XRCC4: variants seen among roughly 807,000 people sequenced by gnomAD.
The protein encoded by XRCC4 is DNA repair protein XRCC4.
A neutral mutation model predicts 39.1 loss-of-function variants in XRCC4; 28 were observed. That is an observed-to-expected ratio of 0.72 (90% confidence interval 0.53 to 0.98). The LOEUF (loss-of-function observed/expected upper bound fraction) is 0.98, where lower values mean the gene tolerates loss of function less well. Among genes scored for constraint, XRCC4 ranks in the 50% least tolerant of loss-of-function variants. The probability of loss-of-function intolerance (pLI) is 0.00; values close to 1 mark genes in which losing one functional copy is unlikely to be tolerated. For missense variants in XRCC4, 350 were observed against 376.4 expected (o/e 0.93, Z 0.58); for synonymous variants, 123 against 126.4 (o/e 0.97, Z 0.18).
intron 7 of XRCC4, among the ~76,000 whole-genome samples, chr5:83,337,676 G>A (rs1756634041): frequency 6.6e-6 from 1 of 152,178 alleles, no homozygotes. Context: ...CATCCACGCT[G>A]TGTCCTGGAC....
intron 6 of XRCC4, among the ~76,000 whole-genome samples, chr5:83,231,384 G>A (rs561377957): frequency 5.3e-5 from 8 of 152,042 alleles, no homozygotes; most frequent in Admixed American, 2.6e-4. Context: ...TTTATTTAGC[G>A]TTAATTCTGC....
At chr5:83,115,329 A>G (rs1746658169) in intron 3 of XRCC4, among the ~76,000 whole-genome samples, 1 of 152,212 alleles carries the variant, frequency 6.6e-6, no homozygotes, top group African/African-American at 2.4e-5. Flanking sequence ...TGGGAGGCTG[A>G]GGCAGGAGAA....
the XRCC4 span, among the ~76,000 whole-genome samples, chr5:83,367,762 T>C: frequency 6.6e-6 from 1 of 152,056 alleles, no homozygotes; most frequent in Non-Finnish European, 1.5e-5. Context: ...CTAATTTTTT[T>C]TTTTTTTTTT....
chr5:83,081,214 C>A (rs1488355647), intron 1 of XRCC4, among the ~76,000 whole-genome samples: 6 of 152,154 alleles, frequency 3.9e-5, no homozygotes, highest in Non-Finnish European at 7.4e-5. Flanking sequence ...TCCCCATTTT[C>A]TCTTTTTACT....
rs1052511251 is a variant in XRCC4 at position 83,136,116 on chromosome 5, C to T, written c.315+24913C>T. Among the ~76,000 whole-genome samples, 52 of 152,096 alleles carry T rather than the reference C, an allele frequency of 3.4e-4. 1 individual carries two copies. The highest frequency in any genetic ancestry group is 2.4e-5 in the African/African-American group (1 of 41,396). The stretch of plus-strand genomic sequence containing the variant: ...CATTTATTTTAGGTTTAATTTTACC[C>T]CGCTATTGAGGCAAAATACTTCTGA... On this transcript the variant is annotated intron_variant, in intron 3 of 7. Transcript: ENST00000396027.
intron 6 of XRCC4, among the ~76,000 whole-genome samples, chr5:83,222,817 G>A (rs1035116620): frequency 1.3e-5 from 2 of 151,942 alleles, no homozygotes; most frequent in Non-Finnish European, 1.5e-5. Context: ...GTGCGATCAC[G>A]GCTCACCACA....
At chr5:83,332,590 A>AT (rs1756473070) in intron 7 of XRCC4, among the ~76,000 whole-genome samples, 1 of 152,222 alleles carries the variant, frequency 6.6e-6, no homozygotes, top group Non-Finnish European at 1.5e-5. Flanking sequence ...CTTTTGCACT[A>AT]TAAGAGGTAA....
chr5:83,300,871 T>C (rs763294226), intron 7 of XRCC4, among the ~76,000 whole-genome samples: 1 of 152,068 alleles, frequency 6.6e-6, no homozygotes, highest in African/African-American at 2.4e-5. Flanking sequence ...AGAATGATGG[T>C]TTCCAGGTTC....
intron 3 of XRCC4, among the ~76,000 whole-genome samples, chr5:83,149,477 GAAT>G (rs3069543): frequency 0.48 from 72,634 of 151,604 alleles, 18,235 homozygotes; most frequent in African/African-American, 0.62. Flanking sequence ...AAAGCAAAAT[GAAT>G]AACTCATTCA....
At chr5:83,370,439 G>A in the XRCC4 span, among the ~76,000 whole-genome samples, 55 of 152,158 alleles carry the variant, frequency 3.6e-4, no homozygotes, top group Admixed American at 2.3e-3. Flanking sequence ...AAAGTTCCCA[G>A]GAACAGAGAA....
chr5:83,110,489 A>G (rs756987563), intron 2 of XRCC4, among the ~76,000 whole-genome samples: 1 of 151,972 alleles, frequency 6.6e-6, no homozygotes, highest in Non-Finnish European at 1.5e-5. Context: ...TGCAGAGGAG[A>G]TGCTCGTACA....
chr5:83,352,115 A>G (rs1757100404), intron 7 of XRCC4, among the ~76,000 whole-genome samples: 1 of 152,172 alleles, frequency 6.6e-6, no homozygotes, highest in African/African-American at 2.4e-5. Flanking sequence ...AGTTTAAATG[A>G]CTTGCCTAAA....
At chr5:83,130,724 C>G (rs2112478415) in intron 3 of XRCC4, among the ~76,000 whole-genome samples, 1 of 152,230 alleles carries the variant, frequency 6.6e-6, no homozygotes, top group Non-Finnish European at 1.5e-5. Context: ...AGGAATTTAT[C>G]CATTTCTTCT....
intron 6 of XRCC4, among the ~76,000 whole-genome samples, chr5:83,257,728 A>G (rs929112091): frequency 6.6e-6 from 1 of 152,202 alleles, no homozygotes; most frequent in Non-Finnish European, 1.5e-5. Flanking sequence ...CTATAAAGAC[A>G]TATGCACATG....
At chr5:83,278,886 G>T (rs1561450978) in intron 7 of XRCC4, among the ~76,000 whole-genome samples, 1 of 150,794 alleles carries the variant, frequency 6.6e-6, no homozygotes, top group South Asian at 2.1e-4. Flanking sequence ...TACGTAGGGG[G>T]CTGAGGCAGG....
At chr5:83,183,959 A>G (rs1364374463) in intron 3 of XRCC4, among the ~76,000 whole-genome samples, 1 of 152,162 alleles carries the variant, frequency 6.6e-6, no homozygotes, top group Admixed American at 6.5e-5. Context: ...CTCTAGGTAA[A>G]TAAGATTATA....
chr5:83,251,523 CAAAAAAA>C (rs60359773), intron 6 of XRCC4, among the ~76,000 whole-genome samples: 2,906 of 69,950 alleles, frequency 0.042, 68 homozygotes, highest in Non-Finnish European at 0.068. Context: ...GACTCCGTCT[CAAAAAAA>C]AAAAAAAAAA....
chr5:83,216,106 C>T (rs1367379539), intron 6 of XRCC4, among the ~76,000 whole-genome samples: 8 of 151,860 alleles, frequency 5.3e-5, no homozygotes, highest in African/African-American at 1.5e-4. Flanking sequence ...AGAATATTTA[C>T]AACTCAATAA....
intron 4 of XRCC4, among the ~76,000 whole-genome samples, chr5:83,196,642 TATAATATA>T (rs1750960547): frequency 6.6e-6 from 1 of 151,782 alleles, no homozygotes; most frequent in South Asian, 2.1e-4. Context: ...TATCCTCACT[TATAATATA>T]TATATGTGTG....
Sources: gnomAD v4.1 joint callset for allele counts (sites outside exome capture counted in the v4.1 genomes callset) on GRCh38, gnomAD v4.1.1 for gene constraint, MANE v1.5 for transcripts, NCBI Gene and HGNC (gene_info 2026-07-23, HGNC 2026-07-21) for gene names.